The following XYLB variants were observed in gnomAD, a reference collection of about 807,000 sequenced individuals.
XYLB encodes xylulose kinase.
In XYLB, 62 loss-of-function variants were observed where a neutral mutation model predicts 78.7. The ratio of observed to expected loss-of-function variants is 0.79; its 90% CI spans 0.64 to 0.97. The LOEUF is 0.97. XYLB is among the 50% of genes least tolerant of loss of function. The pLI is 0.00. For missense variants in XYLB, 687 were observed against 676.8 expected, an observed-to-expected ratio of 1.02 and a Z score of -0.17; for synonymous variants, 245 against 247.4, an observed-to-expected ratio of 0.99 and a Z score of 0.09.
chr3:38,423,534 G>C (rs1709042492), downstream of XYLB, among the ~76,000 whole-genome samples: 1 of 152,182 alleles, frequency 6.6e-6, no homozygotes, highest in Admixed American at 6.5e-5. Context: ...TTAAAAGACT[G>C]TTTCTTTATT....
In XYLB at chr3:38,395,508, C is replaced by G; in HGVS notation, c.1295C>G (p.Ser432Cys). ...HAEGLGYRVM[S>C]KTKILATGGA... is the part of the protein sequence containing the mutation. ...ACTTTTTTCTTTTCCCTTGCAGTGT[C>G]CAAGACAAAGATTTTGGCCACAGGA... Residue 432 changes from serine (S) to cysteine (C), a missense_variant, in exon 16 of 19, where the codon TCC (serine) becomes TGC (cysteine). Coordinates refer to ENST00000207870, the MANE Select transcript of XYLB (RefSeq NM_005108.4). 1 of 1,614,166 alleles carries G rather than the reference C, an allele frequency of 6.2e-7. No individual in the cohort carries two copies. The highest frequency in any genetic ancestry group is 8.5e-7 in the Non-Finnish European group (1 of 1,180,034).
downstream of XYLB, among the ~76,000 whole-genome samples, chr3:38,424,520 C>T (rs1291719633): frequency 6.6e-6 from 1 of 152,180 alleles, no homozygotes; most frequent in Non-Finnish European, 1.5e-5. Flanking sequence ...CCTAGAATAA[C>T]TAAATTTAAA....
At chr3:38,417,161 C>T (rs1475282355), downstream of XYLB, among the ~76,000 whole-genome samples, 2 of 152,146 alleles carry the variant, frequency 1.3e-5, no homozygotes, top group Admixed American at 6.5e-5. Flanking sequence ...CTAGGGCAAG[C>T]GTGATGGCCC....
At chr3:38,368,137 T>C (rs374815161) in intron 7 of XYLB, 48 bp from the exon 8 acceptor site, 6 of 1,562,274 alleles carry the variant, frequency 3.8e-6, no homozygotes, top group Non-Finnish European at 5.3e-6. Context: ...TTCAGTAGCG[T>C]AGGGTATGTG....
At chr3:38,366,103 G>A (rs1307218813) in intron 6 of XYLB, among the ~76,000 whole-genome samples, 1 of 140,346 alleles carries the variant, frequency 7.1e-6, no homozygotes, top group Non-Finnish European at 1.5e-5. Flanking sequence ...GTAGTGCCTG[G>A]CAATGTTAAA....
chr3:38,411,274 G>A (rs909736942), intron 18 of XYLB, among the ~76,000 whole-genome samples: 4 of 152,000 alleles, frequency 2.6e-5, no homozygotes, highest in African/African-American at 7.2e-5. Flanking sequence ...GTAAACTATC[G>A]CAAGGACAAA....
intron 14 of XYLB, 146 bp downstream of exon 14, chr3:38,377,137 G>A (rs1396551631): frequency 4.2e-6 from 3 of 722,142 alleles, no homozygotes; most frequent in South Asian, 3.8e-5. Context: ...GTGCCAGGGT[G>A]CATTCTAGAT....
At position 38,365,248 on chromosome 3, in the gene XYLB, G is replaced by T. The variant is rs559486041; in HGVS notation, c.341G>T (p.Ser114Ile). ...WKAGAQQALTSLSPDLRLHQQ... is the reference protein window; with the variant it reads ...WKAGAQQALTILSPDLRLHQQ... ...GCTGGAGCCCAGCAGGCACTGACAAGCTTATCACCAGACCTCCGGCTACAC... is the reference window on the plus strand; with the variant it reads ...GCTGGAGCCCAGCAGGCACTGACAATCTTATCACCAGACCTCCGGCTACAC... Residue 114 changes from serine to isoleucine, a missense_variant, in exon 5 of 19, where the codon AGC becomes ATC. Ser to Ile is a moderately radical substitution (Grantham distance 142). Transcript: ENST00000207870. 1 of 1,614,254 alleles carries T rather than the reference G, an allele frequency of 6.2e-7. No homozygotes were observed. The highest frequency in any genetic ancestry group is 1.1e-5 in the South Asian group (1 of 91,088).
chr3:38,374,418 C>T, intron 10 of XYLB, 44 bp from the exon 11 acceptor site: 1 of 1,613,808 alleles, frequency 6.2e-7, no homozygotes, highest in Non-Finnish European at 8.5e-7. Flanking sequence ...TTTGTGGTTC[C>T]CATGTGGCCG....
chr3:38,437,128 A>G, the XYLB span, among the ~76,000 whole-genome samples: 1 of 151,912 alleles, frequency 6.6e-6, no homozygotes, highest in African/African-American at 2.4e-5. Context: ...GTAAATCAGT[A>G]AACATGATAC....
chr3:38,395,776 A>G (rs961942189), intron 16 of XYLB, among the ~76,000 whole-genome samples: 4 of 152,174 alleles, frequency 2.6e-5, no homozygotes, highest in South Asian at 2.1e-4. Flanking sequence ...GCTGTGTACA[A>G]TCCACTCTCT....
chr3:38,370,131 T>TAGAGG lies in XYLB; in HGVS notation c.726_730dup (p.Lys244ArgfsTer47). The TAGAGG allele has an allele frequency of 6.2e-7, 1 of 1,614,174 alleles. No individual in the cohort carries two copies. Among genetic ancestry groups the TAGAGG allele is most frequent in the Non-Finnish European group, 8.5e-7 (1 of 1,180,028 alleles). Reference sequence around the variant, plus strand: ...TGCCTTGGTGCCTGTGCACCTCATTTAGAGGAGAAGCTTAGCCCACCAGTA... The same window carrying TAGAGG: ...TGCCTTGGTGCCTGTGCACCTCATTTAGAGGAGAGGAGAAGCTTAGCCCACCAGTA... On this transcript the variant is annotated frameshift_variant, in exon 9 of 19. Coordinates refer to ENST00000207870, the MANE Select transcript of XYLB (RefSeq NM_005108.4). LOFTEE classifies it high-confidence loss of function.
At chr3:38,449,034 T>C in the XYLB span, among the ~76,000 whole-genome samples, 1 of 152,232 alleles carries the variant, frequency 6.6e-6, no homozygotes, top group African/African-American at 2.4e-5. Flanking sequence ...CACCTGGTTT[T>C]TCAGTGAGTG....
intron 9 of XYLB, among the ~76,000 whole-genome samples, chr3:38,370,475 A>T (rs1366179228): frequency 6.6e-6 from 1 of 152,212 alleles, no homozygotes; most frequent in Non-Finnish European, 1.5e-5. Context: ...GCATAGCTAA[A>T]GAAAAAGTGC....
intron 18 of XYLB, among the ~76,000 whole-genome samples, chr3:38,401,226 T>C (rs1329859120): frequency 3.3e-5 from 5 of 152,178 alleles, no homozygotes; most frequent in Non-Finnish European, 7.3e-5. Flanking sequence ...TATTGCTTCT[T>C]ATGCCTCACG....
the XYLB span, among the ~76,000 whole-genome samples, chr3:38,431,379 G>A: frequency 1.3e-5 from 2 of 152,272 alleles, no homozygotes; most frequent in South Asian, 4.1e-4. Flanking sequence ...AGGAATGCTT[G>A]TGATTTTTGC....
chr3:38,383,223 G>A (rs1030620123), intron 15 of XYLB, among the ~76,000 whole-genome samples: 2 of 152,192 alleles, frequency 1.3e-5, no homozygotes, highest in Admixed American at 6.5e-5. Context: ...ACCAAATCTT[G>A]CAGTGGTTAA....
At chr3:38,437,915 C>T in the XYLB span, among the ~76,000 whole-genome samples, 1 of 152,092 alleles carries the variant, frequency 6.6e-6, no homozygotes, top group Non-Finnish European at 1.5e-5. Flanking sequence ...ACTAAAAATA[C>T]AAAAATTAGC....
At chr3:38,372,557 G>T (rs1706623847) in intron 9 of XYLB, 98 bp from the exon 10 acceptor site, 16 of 1,595,000 alleles carry the variant, frequency 1.0e-5, no homozygotes, top group African/African-American at 1.3e-5. Flanking sequence ...TGGTGACCTG[G>T]AGACTGTAGC....
Sources: gnomAD v4.1 joint callset for allele counts (sites outside exome capture counted in the v4.1 genomes callset) on GRCh38, gnomAD v4.1.1 for gene constraint, MANE v1.5 for transcripts, NCBI Gene and HGNC (gene_info 2026-07-23, HGNC 2026-07-21) for gene names.